The following AKR1C3 variants were observed in gnomAD, a reference collection of about 807,000 sequenced individuals.
AKR1C3 encodes aldo-keto reductase family 1 member C3, also known as 3-alpha hydroxysteroid dehydrogenase, type II.
In AKR1C3, 48 loss-of-function variants were observed where a neutral mutation model predicts 43.6. The ratio of observed to expected loss-of-function variants is 1.10; its 90% confidence interval spans 0.87 to 1.40. The LOEUF is 1.40. Among genes scored for constraint, AKR1C3 ranks in the 40% most tolerant of loss-of-function variants. The pLI is 0.00. For missense variants in AKR1C3, 482 were observed against 391.2 expected (o/e 1.23, Z -1.96); for synonymous variants, 162 against 139.6 (o/e 1.16, Z -1.13).
At chr10:5,097,601 A>G (rs1211063660) in intron 3 of AKR1C3, 51 bp downstream of exon 3, 2 of 1,610,518 alleles carry the variant, frequency 1.2e-6, no homozygotes, top group African/African-American at 1.3e-5. Flanking sequence ...CATTATAAAC[A>G]TTGTTTATCT....
intron 1 of AKR1C3, among the ~76,000 whole-genome samples, chr10:5,067,483 G>A (rs1292123354): frequency 6.6e-6 from 1 of 152,122 alleles, no homozygotes; most frequent in Non-Finnish European, 1.5e-5. Context: ...TAGTGCAGAT[G>A]GCAAGATCTT....
chr10:5,068,235 T>G (rs1416714311), intron 1 of AKR1C3, among the ~76,000 whole-genome samples: 1 of 152,148 alleles, frequency 6.6e-6, no homozygotes, highest in African/African-American at 2.4e-5. Context: ...CCATATAATC[T>G]TAGAACATAC....
intron 1 of AKR1C3, among the ~76,000 whole-genome samples, chr10:5,086,105 T>G (rs1210687212): frequency 6.6e-6 from 1 of 151,886 alleles, no homozygotes; most frequent in African/African-American, 2.4e-5. Flanking sequence ...AGTTATTTCT[T>G]GCCTTCTGCT....
At chr10:5,079,869 C>T (rs1413345973) in intron 1 of AKR1C3, among the ~76,000 whole-genome samples, 1 of 152,132 alleles carries the variant, frequency 6.6e-6, no homozygotes, top group Non-Finnish European at 1.5e-5. Flanking sequence ...ATTCCATTGT[C>T]AGTGTATCTT....
In AKR1C3 at chr10:5,097,427, T is replaced by A. The variant is rs782769157; in HGVS notation, c.253-7T>A. ...TCAAAATCACCTCCATTCTTTAACC[T>A]CTGCAGCTTTGGTCCACTTTTCATC... On this transcript the variant is annotated splice_region_variant and splice_polypyrimidine_tract_variant and intron_variant, in intron 2 of 8. Coordinates refer to ENST00000380554, the MANE Select transcript of AKR1C3 (RefSeq NM_003739.6). 3 of 1,613,080 alleles carry A rather than the reference T, an allele frequency of 1.9e-6. No homozygotes were observed. The highest frequency in any genetic ancestry group is 2.5e-6 in the Non-Finnish European group (3 of 1,179,556).
chr10:5,058,141 G>A (rs1476306734), intron 1 of AKR1C3, among the ~76,000 whole-genome samples: 3 of 152,106 alleles, frequency 2.0e-5, no homozygotes, highest in African/African-American at 7.2e-5. Context: ...GGAGGTTAGA[G>A]GAGGATTATC....
In AKR1C3 at chr10:5,075,126, G is replaced by A. The variant is rs991259403; in HGVS notation, c.85-21284G>A. On this transcript the variant is annotated intron_variant, in intron 1 of 8. Coordinates refer to the AKR1C3 transcript ENST00000439082. The stretch of plus-strand genomic sequence containing the variant: ...CAATAACAAGACCTCTGCTAGCCAG[G>A]CCTCCTCTTTTCTCCCTCCCATAAC... Among the ~76,000 whole-genome samples, 17 of 152,152 alleles carry A rather than the reference G, an allele frequency of 1.1e-4. No individual in the cohort carries two copies. In the South Asian group the frequency reaches 3.5e-3, roughly 32 times the overall value.
At chr10:5,054,087 A>G (rs1404548472) in intron 1 of AKR1C3, among the ~76,000 whole-genome samples, 1 of 152,242 alleles carries the variant, frequency 6.6e-6, no homozygotes, top group Non-Finnish European at 1.5e-5. Context: ...GCCGGTTGGC[A>G]TCTTGTACTA....
intron 1 of AKR1C3, among the ~76,000 whole-genome samples, chr10:5,095,781 G>A (rs782590709): frequency 2.2e-4 from 33 of 151,926 alleles, no homozygotes; most frequent in African/African-American, 8.0e-4. Flanking sequence ...TGTACAAATC[G>A]ATATCCTCAG....
chr10:5,056,381 T>C (rs962656635), intron 1 of AKR1C3, among the ~76,000 whole-genome samples: 5 of 152,138 alleles, frequency 3.3e-5, no homozygotes, highest in African/African-American at 1.2e-4. Context: ...GGTATAGGGA[T>C]TGGGTACAAC....
upstream of AKR1C3, chr10:5,093,663 T>C (rs1376981731): frequency 6.6e-6 from 1 of 152,130 alleles, no homozygotes; most frequent in Non-Finnish European, 1.5e-5. Context: ...TGATAGTCTG[T>C]AATAAACCTG....
chr10:5,098,916 C>G lies in AKR1C3; in HGVS notation c.447+37C>G, dbSNP rs782342902. ...GCGGAGAGGACACAGAGAAGGATGA[C>G]AAAAAGAGAAAATCTGTTTCCCAGG... is the stretch of plus-strand genomic sequence containing the variant. On this transcript the variant is annotated intron_variant, in intron 4 of 8. Coordinates refer to ENST00000380554, the MANE Select transcript of AKR1C3 (RefSeq NM_003739.6). 1.5e-5 allele frequency: 23 copies of G among 1,514,592 alleles called. No homozygotes were observed. In the South Asian group the frequency reaches 2.6e-4, roughly 17 times the overall value. 93.8% of individuals were successfully genotyped at this position (1,514,592 alleles called of 1,614,324 possible). A position where few individuals can be genotyped will look rare whatever the true frequency, so the allele number is the denominator to read the frequency against.
At chr10:5,067,815 T>C (rs1267693159) in intron 1 of AKR1C3, among the ~76,000 whole-genome samples, 1 of 152,096 alleles carries the variant, frequency 6.6e-6, no homozygotes, top group Non-Finnish European at 1.5e-5. Flanking sequence ...CCATGGTGAG[T>C]CATGGAGTGC....
intron 6 of AKR1C3, 22 bp from the exon 7 acceptor site, chr10:5,102,463 G>A (rs1554786220): frequency 1.2e-5 from 18 of 1,487,706 alleles, no homozygotes; most frequent in Non-Finnish European, 1.6e-5. Flanking sequence ...CAGGGCCTCA[G>A]CCTTTCTGCC....
upstream of AKR1C3, among the ~76,000 whole-genome samples, chr10:5,090,138 T>C (rs1163273046): frequency 6.6e-6 from 1 of 152,098 alleles, no homozygotes; most frequent in African/African-American, 2.4e-5. Context: ...CTTTCTGTTG[T>C]TTCAAGTGAT....
chr10:5,055,852 C>T (rs574473731), intron 1 of AKR1C3, among the ~76,000 whole-genome samples: 3 of 152,312 alleles, frequency 2.0e-5, no homozygotes, highest in South Asian at 4.1e-4. Context: ...CTTGCTGTAT[C>T]TGGGGATCCA....
intron 1 of AKR1C3, among the ~76,000 whole-genome samples, chr10:5,063,768 A>AAAAAAAAAAAAAAC (rs1838432748): frequency 7.4e-6 from 1 of 135,548 alleles, no homozygotes; most frequent in South Asian, 2.3e-4. Context: ...GTCTCAGCAA[A>AAAAAAAAAAAAAAC]AAAAAAAAAA....
rs781981422 is a variant in AKR1C3 at position 5,099,446 on chromosome 10, C to G, written c.567C>G (p.Asn189Lys). The change falls in exon 5 of 9, where the codon AAC (asparagine) becomes AAG (lysine). Residue 189 changes from asparagine to lysine, a missense_variant. Physicochemically the swap from Asn to Lys is moderately conservative, Grantham distance 94. Transcript: ENST00000380554. ...KPGLKYKPVC[N>K]QVECHPYFNR... is the part of the protein sequence containing the mutation. ...GACTCAAGTACAAGCCTGTCTGCAA[C>G]CAGGTGAGCTCCCTTGGCCTTCTCT... The G allele has an allele frequency of 5.0e-6, 8 of 1,614,056 alleles. No homozygotes were observed. Among genetic ancestry groups the G allele is most frequent in the Non-Finnish European group, 6.8e-6 (8 of 1,180,038 alleles).
At chr10:5,089,646 G>C (rs1292536706), upstream of AKR1C3, among the ~76,000 whole-genome samples, 1 of 151,694 alleles carries the variant, frequency 6.6e-6, no homozygotes, top group East Asian at 1.9e-4. Context: ...GATTGCTTTT[G>C]TAGTTTCTTT....
Sources: allele counts gnomAD v4.1 joint callset (sites outside exome capture counted in the v4.1 genomes callset), GRCh38; gene constraint gnomAD v4.1.1; transcripts MANE v1.5; gene names NCBI Gene and HGNC (gene_info 2026-07-23, HGNC 2026-07-21).